The following FSIP1 variants were observed in gnomAD, a reference collection of about 807,000 sequenced individuals.
The protein encoded by FSIP1 is fibrous sheath interacting protein 1.
A neutral mutation model predicts 60.9 loss-of-function variants in FSIP1; 65 were observed. That is an observed-to-expected ratio of 1.07 (90% CI 0.87 to 1.31). The LOEUF (loss-of-function observed/expected upper bound fraction) is 1.31, where lower values mean the gene tolerates loss of function less well. Among genes scored for constraint, FSIP1 ranks in the 40% most tolerant of loss-of-function variants. The pLI is 0.00. For synonymous variants in FSIP1, 209 were observed against 221.2 expected (o/e 0.94, Z 0.49); for missense variants, 675 against 665.5 (o/e 1.01, Z -0.16).
At chr15:39,670,738 A>G (rs1297888120) in intron 10 of FSIP1, among the ~76,000 whole-genome samples, 1 of 152,280 alleles carries the variant, frequency 6.6e-6, no homozygotes, top group Non-Finnish European at 1.5e-5. Flanking sequence ...ACTGCATGTC[A>G]TTCAAATGTT....
At position 39,647,703 on chromosome 15, in the gene FSIP1, T is replaced by A. The variant is rs533537031; in HGVS notation, c.1189-29458A>T. Among the ~76,000 whole-genome samples the A allele has an allele frequency of 2.3e-3, 340 of 148,806 alleles. 3 individuals are homozygous for A. The highest frequency in any genetic ancestry group is 3.5e-3 in the Middle Eastern group (1 of 284). ...AGCCATTCAAAAAATTATCACTTAA[T>A]AGAATGAAAACACACATGTACCATG... On this transcript the variant is annotated intron_variant, in intron 10 of 11. Transcript: ENST00000350221.
chr15:39,634,726 C>T (rs1306957451), intron 10 of FSIP1, among the ~76,000 whole-genome samples: 1 of 152,202 alleles, frequency 6.6e-6, no homozygotes. Context: ...ACACAGTGAT[C>T]ATTACTGTGA....
At chr15:39,605,456 T>C (rs1414159402) in intron 11 of FSIP1, among the ~76,000 whole-genome samples, 4 of 152,328 alleles carry the variant, frequency 2.6e-5, no homozygotes, top group African/African-American at 9.6e-5. Context: ...CTTATTAAAA[T>C]GAAAATTCTC....
At chr15:39,676,888 C>A (rs934803124) in intron 10 of FSIP1, among the ~76,000 whole-genome samples, 2 of 152,126 alleles carry the variant, frequency 1.3e-5, no homozygotes, top group Non-Finnish European at 2.9e-5. Context: ...ATAAAGAATA[C>A]GCATAAAATT....
chr15:39,631,659 C>T (rs539103937), intron 10 of FSIP1, among the ~76,000 whole-genome samples: 173 of 152,302 alleles, frequency 1.1e-3, no homozygotes, highest in Admixed American at 1.9e-3. Flanking sequence ...GGGCCTACTG[C>T]TGTGATATTC....
intron 9 of FSIP1, 124 bp downstream of exon 9, chr15:39,726,464 GA>G: frequency 3.2e-6 from 3 of 923,836 alleles, no homozygotes; most frequent in Non-Finnish European, 5.1e-6. Context: ...GTAACCAAAG[GA>G]ATATACACAC....
intron 10 of FSIP1, among the ~76,000 whole-genome samples, chr15:39,700,194 T>C (rs949175524): frequency 2.6e-5 from 4 of 152,204 alleles, no homozygotes; most frequent in Non-Finnish European, 5.9e-5. Flanking sequence ...TTCCACAAAG[T>C]GTCTTCTTTC....
chr15:39,662,566 G>A (rs1566874928), intron 10 of FSIP1, among the ~76,000 whole-genome samples: 1 of 152,042 alleles, frequency 6.6e-6, no homozygotes, highest in Non-Finnish European at 1.5e-5. Flanking sequence ...TAATGAGGTG[G>A]ATACATTAAT....
chr15:39,713,613 A>G (rs763879802), intron 9 of FSIP1, 32 bp from the exon 10 acceptor site: 1 of 1,572,570 alleles, frequency 6.4e-7, no homozygotes. Context: ...AACATCATTC[A>G]CAGGCTGGAA....
In FSIP1 at chr15:39,674,867, C is replaced by T. The variant is rs188174308; in HGVS notation, c.1188+38577G>A. Among the ~76,000 whole-genome samples the T allele has an allele frequency of 1.6e-3, 246 of 152,040 alleles. 2 individuals are homozygous for T. Among genetic ancestry groups the T allele is most frequent in the Admixed American group, 0.015 (228 of 15,270 alleles). On this transcript the variant is annotated intron_variant, in intron 10 of 11. Transcript: ENST00000350221. Reference sequence around the variant, plus strand: ...TGACTCTTTTAAAAACAAGGACATACGACCATCAAAAGTCACCTTATAAAA... The same window carrying T: ...TGACTCTTTTAAAAACAAGGACATATGACCATCAAAAGTCACCTTATAAAA...
chr15:39,775,402 A>G (rs1215352419), intron 2 of FSIP1, among the ~76,000 whole-genome samples: 2 of 152,164 alleles, frequency 1.3e-5, no homozygotes, highest in Non-Finnish European at 2.9e-5. Context: ...ATAATGTTCA[A>G]TTATTCATTT....
intron 10 of FSIP1, among the ~76,000 whole-genome samples, chr15:39,642,168 G>GGT (rs1200425087): frequency 1.2e-4 from 19 of 152,142 alleles, no homozygotes; most frequent in Admixed American, 3.3e-4. Context: ...AAGTATTCAT[G>GGT]GTGCAAAAAA....
At chr15:39,667,150 C>T (rs765968539) in intron 10 of FSIP1, among the ~76,000 whole-genome samples, 1 of 152,136 alleles carries the variant, frequency 6.6e-6, no homozygotes, top group Non-Finnish European at 1.5e-5. Context: ...AAATAAACTG[C>T]TGCATTAGAA....
At position 39,726,571 on chromosome 15, in the gene FSIP1, T is replaced by C. The variant is rs769049986; in HGVS notation, c.1050+18A>G. 1 of 1,613,194 alleles carries C rather than the reference T, an allele frequency of 6.2e-7. No individual in the cohort carries two copies. Among genetic ancestry groups the C allele is most frequent in the Non-Finnish European group, 8.5e-7 (1 of 1,179,142 alleles). On this transcript the variant is annotated intron_variant, in intron 9 of 11. Transcript: ENST00000350221. ...TTAGCACACATTAACTTGAACAGTC[T>C]ATGGGTTCTTCAAATACCTGATTAT...
intron 10 of FSIP1, among the ~76,000 whole-genome samples, chr15:39,667,856 G>C (rs923024882): frequency 6.6e-6 from 1 of 152,228 alleles, no homozygotes; most frequent in Non-Finnish European, 1.5e-5. Flanking sequence ...GAATTAGTGA[G>C]TTTGAAAAGG....
At chr15:39,648,610 G>T (rs1383375399) in intron 10 of FSIP1, among the ~76,000 whole-genome samples, 1 of 152,210 alleles carries the variant, frequency 6.6e-6, no homozygotes, top group African/African-American at 2.4e-5. Flanking sequence ...AAGTTAAACA[G>T]ATTTTTAAAA....
chr15:39,685,063 G>A (rs1894310965), intron 10 of FSIP1, among the ~76,000 whole-genome samples: 1 of 152,118 alleles, frequency 6.6e-6, no homozygotes, highest in Non-Finnish European at 1.5e-5. Flanking sequence ...TCTCAGCAAT[G>A]TCCACCTAGG....
intron 10 of FSIP1, among the ~76,000 whole-genome samples, chr15:39,656,574 T>C (rs995367472): frequency 6.6e-6 from 1 of 152,200 alleles, no homozygotes; most frequent in Non-Finnish European, 1.5e-5. Context: ...GCTTGATCAA[T>C]ATGAGCCTCA....
intron 10 of FSIP1, among the ~76,000 whole-genome samples, chr15:39,622,427 A>G (rs1203337359): frequency 2.0e-5 from 3 of 152,198 alleles, no homozygotes; most frequent in Non-Finnish European, 4.4e-5. Context: ...TCATAGTAAA[A>G]GAGTAAATCT....
Sources: gnomAD v4.1 joint callset for allele counts (sites outside exome capture counted in the v4.1 genomes callset) on GRCh38, gnomAD v4.1.1 for gene constraint, MANE v1.5 for transcripts, NCBI Gene and HGNC (gene_info 2026-07-23, HGNC 2026-07-21) for gene names.